The following SUPT3H variants were observed in gnomAD, a reference collection of about 807,000 sequenced individuals.
SUPT3H encodes the protein SPT3 homolog, SAGA and STAGA complex component.
SUPT3H carries 44 observed loss-of-function variants against 44.3 expected under a neutral mutation model. That is an observed-to-expected ratio of 0.99 (90% CI 0.78 to 1.28). The LOEUF (loss-of-function observed/expected upper bound fraction) is 1.28, where lower values mean the gene tolerates loss of function less well. Ranked by LOEUF, SUPT3H falls within the 50% of genes most tolerant of loss-of-function variation. The pLI, the probability that SUPT3H is intolerant of heterozygous loss-of-function variation, is 0.00. For synonymous variants in SUPT3H, 124 were observed against 125.6 expected, an observed-to-expected ratio of 0.99 and a Z score of 0.09; for missense variants, 380 against 387.1, an observed-to-expected ratio of 0.98 and a Z score of 0.15.
intron 1 of SUPT3H, among the ~76,000 whole-genome samples, chr6:45,372,950 A>T (rs1472061244): frequency 6.6e-6 from 1 of 151,908 alleles, no homozygotes; most frequent in East Asian, 1.9e-4. Flanking sequence ...CCCAAGTAGC[A>T]GGTGCACGCC....
chr6:45,083,091 C>T (rs1796019241), intron 3 of SUPT3H, among the ~76,000 whole-genome samples: 1 of 151,646 alleles, frequency 6.6e-6, no homozygotes, highest in South Asian at 2.1e-4. Flanking sequence ...ACAAGGAGAA[C>T]TATAAAACCC....
At chr6:45,231,232 C>T (rs946766141) in intron 2 of SUPT3H, among the ~76,000 whole-genome samples, 2 of 152,074 alleles carry the variant, frequency 1.3e-5, no homozygotes, top group African/African-American at 4.8e-5. Flanking sequence ...CACCCTTTTG[C>T]TTGCTTCTAG....
intron 2 of SUPT3H, among the ~76,000 whole-genome samples, chr6:45,134,729 C>T (rs1804006464): frequency 1.3e-5 from 2 of 152,160 alleles, no homozygotes; most frequent in Non-Finnish European, 2.9e-5. Context: ...AGGAAAACAA[C>T]ATTAAGTCTT....
intron 1 of SUPT3H, among the ~76,000 whole-genome samples, chr6:45,373,789 G>C (rs544526181): frequency 1.3e-4 from 20 of 152,186 alleles, no homozygotes; most frequent in Non-Finnish European, 2.6e-4. Context: ...CTGACATCAA[G>C]TGATCCACCC....
chr6:44,963,257 G>C (rs1776307262), intron 6 of SUPT3H, among the ~76,000 whole-genome samples: 1 of 152,120 alleles, frequency 6.6e-6, no homozygotes, highest in East Asian at 1.9e-4. Flanking sequence ...CCAGCACTTG[G>C]GAGGTCCAGG....
intron 3 of SUPT3H, among the ~76,000 whole-genome samples, chr6:45,062,273 T>C (rs7745506): frequency 6.6e-6 from 1 of 151,674 alleles, no homozygotes; most frequent in African/African-American, 2.4e-5. Context: ...TTTGAAAAAG[T>C]TGAAATAATA....
intron 7 of SUPT3H, among the ~76,000 whole-genome samples, chr6:44,955,018 C>T (rs1014151276): frequency 2.0e-5 from 3 of 152,134 alleles, no homozygotes; most frequent in African/African-American, 2.4e-5. Flanking sequence ...CAAGAAAGAA[C>T]CTGTGATGAA....
chr6:45,328,833 A>T, intron 2 of SUPT3H: 1 of 1,569,002 alleles, frequency 6.4e-7, no homozygotes, highest in Non-Finnish European at 8.8e-7. Context: ...CCTGTTAAAC[A>T]TAAAGGTATG....
At chr6:45,310,826 G>GA (rs1332921562) in intron 2 of SUPT3H, among the ~76,000 whole-genome samples, 1 of 152,118 alleles carries the variant, frequency 6.6e-6, no homozygotes, top group African/African-American at 2.4e-5. Flanking sequence ...ACCCAAATAG[G>GA]AAAGAACCAG....
At chr6:44,842,083 T>G (rs1324378452) in intron 10 of SUPT3H, among the ~76,000 whole-genome samples, 1 of 152,196 alleles carries the variant, frequency 6.6e-6, no homozygotes, top group Non-Finnish European at 1.5e-5. Flanking sequence ...GAGGAAGCCA[T>G]GCAGACACCA....
chr6:44,811,158 T>C (rs1766492449), intron 11 of SUPT3H, among the ~76,000 whole-genome samples: 1 of 152,230 alleles, frequency 6.6e-6, no homozygotes, highest in East Asian at 1.9e-4. Flanking sequence ...ACATTACATT[T>C]ATGTCATGTC....
intron 2 of SUPT3H, among the ~76,000 whole-genome samples, chr6:45,250,370 AAAT>A (rs202091312): frequency 1.8e-4 from 25 of 138,528 alleles, no homozygotes; most frequent in Non-Finnish European, 2.2e-4. Context: ...GGCAATAAAA[AAAT>A]AAAACAATAA....
At chr6:45,303,956 G>A (rs1310045571) in intron 2 of SUPT3H, among the ~76,000 whole-genome samples, 4 of 149,018 alleles carry the variant, frequency 2.7e-5, no homozygotes, top group Admixed American at 6.7e-5. Context: ...CAGCCTGGGC[G>A]ACAGAGCAAG....
chr6:45,262,736 T>C (rs1002562840), intron 2 of SUPT3H, among the ~76,000 whole-genome samples: 3 of 152,114 alleles, frequency 2.0e-5, no homozygotes, highest in Admixed American at 1.3e-4. Flanking sequence ...GGAGAAAATA[T>C]TGGCAAACTA....
intron 2 of SUPT3H, among the ~76,000 whole-genome samples, chr6:45,229,531 A>ATG (rs1195684660): frequency 6.6e-6 from 1 of 152,172 alleles, no homozygotes; most frequent in Non-Finnish European, 1.5e-5. Context: ...CTATATATAT[A>ATG]TAATCTTCTA....
intron 5 of SUPT3H, 36 bp downstream of exon 5, chr6:45,014,765 A>C (rs1562261921): frequency 7.0e-7 from 1 of 1,420,318 alleles, no homozygotes; most frequent in East Asian, 2.4e-5. Context: ...ATGTGTCATA[A>C]GCTCATGTTT....
At chr6:45,087,363 C>G (rs1796600173) in intron 3 of SUPT3H, among the ~76,000 whole-genome samples, 1 of 151,702 alleles carries the variant, frequency 6.6e-6, no homozygotes. Context: ...AAGGAAAGGG[C>G]ACACGAACTT....
chr6:45,335,780 A>T (rs138951656), intron 2 of SUPT3H, among the ~76,000 whole-genome samples: 192 of 151,440 alleles, frequency 1.3e-3, no homozygotes, highest in Non-Finnish European at 1.5e-3. Flanking sequence ...CAGCATCTTA[A>T]CATTAGGCAG....
intron 2 of SUPT3H, among the ~76,000 whole-genome samples, chr6:45,285,291 G>A (rs1407876177): frequency 6.6e-6 from 1 of 152,060 alleles, no homozygotes; most frequent in Non-Finnish European, 1.5e-5. Context: ...TAGGAAAAGA[G>A]GAAGTCAAAT....
Sources: allele counts gnomAD v4.1 joint callset (sites outside exome capture counted in the v4.1 genomes callset), GRCh38; gene constraint gnomAD v4.1.1; transcripts MANE v1.5; gene names NCBI Gene and HGNC (gene_info 2026-07-23, HGNC 2026-07-21).